The following MED18 variants were observed in gnomAD, a reference collection of about 807,000 sequenced individuals.
MED18 encodes mediator of RNA polymerase II transcription subunit 18.
In MED18, 10 loss-of-function variants were observed where a neutral mutation model predicts 13.9. The ratio of observed to expected loss-of-function variants is 0.72; its 90% CI spans 0.44 to 1.22. The LOEUF (loss-of-function observed/expected upper bound fraction) is 1.22, where lower values mean the gene tolerates loss of function less well. Among genes scored for constraint, MED18 ranks in the 50% most tolerant of loss-of-function variants. The pLI is 0.00. For missense variants in MED18, 216 were observed against 279.0 expected (o/e 0.77, Z 1.61); for synonymous variants, 88 against 93.2 (o/e 0.94, Z 0.32).
At chr1:28,330,928 C>G in intron 2 of MED18, 193 bp downstream of exon 2, 1 of 369,070 alleles carries the variant, frequency 2.7e-6, no homozygotes, top group Non-Finnish European at 4.9e-6. Flanking sequence ...CATGGTGGCT[C>G]ACGCGTATAA....
Position 28,335,273 on chromosome 1 carries a change from C to G in MED18, c.*303C>G, listed in dbSNP as rs1002342080. The stretch of plus-strand genomic sequence containing the variant: ...GTCAGGCTATTCTCGAACTCCTGAC[C>G]TCGTGATCCACCCACCTTGGCCTCC... On this transcript the variant is annotated 3_prime_UTR_variant, in exon 3 of 3. Transcript: ENST00000373842. 30 of 260,754 alleles carry G rather than the reference C, an allele frequency of 1.2e-4. No homozygotes were observed. Among genetic ancestry groups the G allele is most frequent in the African/African-American group, 6.1e-4 (28 of 45,532 alleles). 16.2% of individuals were successfully genotyped at this position (260,754 alleles called of 1,614,324 possible).
intron 2 of MED18, among the ~76,000 whole-genome samples, chr1:28,332,708 A>C (rs1245549364): frequency 2.0e-5 from 3 of 152,188 alleles, no homozygotes; most frequent in South Asian, 4.1e-4. Context: ...CTTGTTGACA[A>C]CGGTAAAGAT....
intron 2 of MED18, among the ~76,000 whole-genome samples, chr1:28,331,622 G>A (rs1649738656): frequency 1.3e-5 from 2 of 152,096 alleles, no homozygotes; most frequent in African/African-American, 2.4e-5. Context: ...ATGAGCTGCC[G>A]CGCCTGGCCT....
At chr1:28,330,886 C>G in intron 2 of MED18, 151 bp downstream of exon 2, 1 of 501,984 alleles carries the variant, frequency 2.0e-6, no homozygotes, top group Non-Finnish European at 3.4e-6. Flanking sequence ...TTTATATGCA[C>G]TAAACATACT....
chr1:28,330,870 T>A, intron 2 of MED18, 135 bp downstream of exon 2: 1 of 584,374 alleles, frequency 1.7e-6, no homozygotes, highest in East Asian at 3.8e-5. Flanking sequence ...TACTTTAAAT[T>A]ATAGTTTTAT....
chr1:28,332,833 A>G lies in MED18; in HGVS notation c.74-1584A>G, dbSNP rs559749374. On this transcript the variant is annotated intron_variant, in intron 2 of 2. Coordinates refer to ENST00000373842, the MANE Select transcript of MED18 (RefSeq NM_017638.3). ...TTGGCTTTCATATGGAGAAGAGAGG[A>G]AGAAGGCAAAGGTAGAAAGAGGCGA... 2.6e-5 allele frequency among the ~76,000 whole-genome samples: 4 copies of G among 152,336 alleles called. 1 individual carries two copies. The highest frequency in any genetic ancestry group is 9.6e-5 in the African/African-American group (4 of 41,584).
chr1:28,332,066 A>G (rs1210290595), intron 2 of MED18, among the ~76,000 whole-genome samples: 1 of 152,184 alleles, frequency 6.6e-6, no homozygotes, highest in Non-Finnish European at 1.5e-5. Context: ...AAGTATCTGA[A>G]TATGTTCCTA....
At chr1:28,333,474 A>T (rs1649811547) in intron 2 of MED18, among the ~76,000 whole-genome samples, 1 of 152,234 alleles carries the variant, frequency 6.6e-6, no homozygotes, top group Admixed American at 6.5e-5. Flanking sequence ...CTACTGTAAC[A>T]ATTATGTCAG....
At position 28,335,269 on chromosome 1, in the gene MED18, T is replaced by C; in HGVS notation, c.*299T>C. The C allele has an allele frequency of 3.7e-6, 1 of 269,410 alleles. No homozygotes were observed. Among genetic ancestry groups the C allele is most frequent in the Non-Finnish European group, 7.1e-6 (1 of 140,014 alleles). The allele number at this position is 269,410 out of a possible 1,614,324, so 16.7% of individuals were successfully genotyped here. On this transcript the variant is annotated 3_prime_UTR_variant, in exon 3 of 3. Transcript: ENST00000373842. ...GTTGGTCAGGCTATTCTCGAACTCC[T>C]GACCTCGTGATCCACCCACCTTGGC...
intron 2 of MED18, among the ~76,000 whole-genome samples, chr1:28,333,051 C>A (rs982065008): frequency 7.2e-5 from 11 of 152,176 alleles, no homozygotes; most frequent in Non-Finnish European, 1.6e-4. Context: ...CAACTAAAAA[C>A]AGAGAGTTGC....
Position 28,334,651 on chromosome 1 carries a change from G to A in MED18, c.308G>A (p.Arg103Gln), listed in dbSNP as rs775593879. 1.5e-5 allele frequency: 24 copies of A among 1,614,076 alleles called. No homozygotes were observed. Among genetic ancestry groups the A allele is most frequent in the Admixed American group, 1.0e-4 (6 of 59,990 alleles). ...GACAAGAACCGCCATGCCCTGGTGC[G>A]AAACTGCGTGGACATTGCCACATCT... ...MGDKNRHALV[R>Q]NCVDIATSEN... The change falls in exon 3 of 3, where the codon CGA (arginine) becomes CAA (glutamine). Residue 103 changes from arginine (R) to glutamine (Q), a missense_variant. By Grantham distance (43) the Arg-to-Gln change is conservative. Transcript: ENST00000373842.
chr1:28,330,497 C>T lies in MED18; in HGVS notation c.-66-100C>T, dbSNP rs1649682807. ...CTGGCCATATAAGGAAATACTCAAA[C>T]GTTTTTGAATGAATGAATCTTTGAT... On this transcript the variant is annotated intron_variant, in intron 1 of 2. Transcript: ENST00000373842. The T allele has an allele frequency of 9.8e-6, 5 of 508,996 alleles. No individual in the cohort carries two copies. The South Asian group carries it at 1.1e-4, about 11-fold the overall frequency. 31.5% of individuals were successfully genotyped at this position (508,996 alleles called of 1,614,324 possible).
At chr1:28,334,324 G>A in intron 2 of MED18, 93 bp from the exon 3 acceptor site, 3 of 1,364,400 alleles carry the variant, frequency 2.2e-6, no homozygotes, top group Non-Finnish European at 3.0e-6. Context: ...TCACTAAACT[G>A]TTTTGGTTTT....
intron 2 of MED18, among the ~76,000 whole-genome samples, chr1:28,333,733 G>A (rs1415274880): frequency 1.3e-5 from 2 of 152,100 alleles, no homozygotes; most frequent in African/African-American, 4.8e-5. Context: ...GGTGGCACAC[G>A]CCTGTAGTCC....
chr1:28,329,907 T>C (rs1649651315), intron 1 of MED18, among the ~76,000 whole-genome samples: 2 of 152,224 alleles, frequency 1.3e-5, no homozygotes, highest in African/African-American at 4.8e-5. Flanking sequence ...AAGTCACTTT[T>C]TCAGTTCTTC....
At chr1:28,334,292 G>A (rs1420318597) in intron 2 of MED18, 125 bp from the exon 3 acceptor site, 4 of 985,942 alleles carry the variant, frequency 4.1e-6, no homozygotes, top group Non-Finnish European at 6.1e-6. Flanking sequence ...CTCATGTTTG[G>A]CTGTATGTTT....
At chr1:28,331,664 G>A (rs1364973169) in intron 2 of MED18, among the ~76,000 whole-genome samples, 1 of 151,984 alleles carries the variant, frequency 6.6e-6, no homozygotes, top group East Asian at 1.9e-4. Flanking sequence ...CTATAAAACT[G>A]CAACTCTATA....
intron 1 of MED18, 28 bp downstream of exon 1, chr1:28,329,208 G>A (rs4908397): frequency 1.3e-4 from 19 of 151,332 alleles, no homozygotes; most frequent in Admixed American, 5.9e-4. Context: ...AATTGGATAC[G>A]TGTTATGGAT....
chr1:28,332,032 C>T (rs144878807), intron 2 of MED18, among the ~76,000 whole-genome samples: 2,013 of 152,262 alleles, frequency 0.013, 46 homozygotes, highest in African/African-American at 0.046. Context: ...CGTGAGCCAC[C>T]GCGCCCAGCC....
Sources: allele counts gnomAD v4.1 joint callset (sites outside exome capture counted in the v4.1 genomes callset), GRCh38; gene constraint gnomAD v4.1.1; transcripts MANE v1.5; gene names NCBI Gene and HGNC (gene_info 2026-07-23, HGNC 2026-07-21).